Variants in ZFP1 observed in about 807,000 individuals in gnomAD.
ZFP1 encodes the protein ZFP1 zinc finger protein.
ZFP1 carries 32 observed loss-of-function variants against 38.5 expected under a neutral mutation model. That is an observed-to-expected ratio of 0.83 (90% confidence interval 0.63 to 1.12). ZFP1 has a LOEUF of 1.12. ZFP1 is among the 50% of genes most tolerant of loss of function. ZFP1 has a pLI of 0.00. For missense variants in ZFP1, 616 were observed against 480.8 expected, an observed-to-expected ratio of 1.28 and a Z score of -2.63; for synonymous variants, 245 against 168.8, an observed-to-expected ratio of 1.45 and a Z score of -3.50.
At chr16:75,125,252 C>G in the ZFP1 span, among the ~76,000 whole-genome samples, 1 of 134,440 alleles carries the variant, frequency 7.4e-6, no homozygotes, top group Admixed American at 6.9e-5. Context: ...GAGCAAGACT[C>G]TATCTCGAAA....
chr16:75,153,333 G>A lies in ZFP1; in HGVS notation c.15+367G>A, dbSNP rs547355806. ...TTATTGTATGTATTTGGTTTTTCCA[G>A]TCAGATTAGCCTAATGCCAGAGAAT... On this transcript the variant is annotated intron_variant, in intron 2 of 3. Transcript: ENST00000570010. Among the ~76,000 whole-genome samples the A allele has an allele frequency of 1.8e-3, 272 of 152,250 alleles. 1 individual carries two copies. Among genetic ancestry groups the A allele is most frequent in the Non-Finnish European group, 3.1e-3 (213 of 68,024 alleles).
chr16:75,151,257 A>G (rs2037191178), intron 1 of ZFP1, among the ~76,000 whole-genome samples: 2 of 151,962 alleles, frequency 1.3e-5, no homozygotes, highest in Admixed American at 1.3e-4. Flanking sequence ...TATATTTTAA[A>G]CAAACTGCTT....
chr16:75,133,310 C>A, the ZFP1 span, among the ~76,000 whole-genome samples: 2 of 152,026 alleles, frequency 1.3e-5, no homozygotes, highest in African/African-American at 4.8e-5. Context: ...GGTACATGCG[C>A]AGATTTGTTA....
the ZFP1 span, among the ~76,000 whole-genome samples, chr16:75,125,417 G>T: frequency 6.6e-6 from 1 of 152,108 alleles, no homozygotes; most frequent in Non-Finnish European, 1.5e-5. Flanking sequence ...CACCTCCTAG[G>T]TTCAAGAGAT....
chr16:75,166,085 G>A (rs1290410734), intron 2 of ZFP1, among the ~76,000 whole-genome samples: 1 of 152,142 alleles, frequency 6.6e-6, no homozygotes, highest in Non-Finnish European at 1.5e-5. Flanking sequence ...GTATTTTACA[G>A]TTGGAAGTTC....
chr16:75,138,634 C>T, the ZFP1 span, among the ~76,000 whole-genome samples: 66 of 152,246 alleles, frequency 4.3e-4, no homozygotes, highest in African/African-American at 1.5e-3. Context: ...GCCCTTAATC[C>T]AATATGGCTA....
intron 3 of ZFP1, among the ~76,000 whole-genome samples, chr16:75,167,228 G>A (rs1024750530): frequency 6.6e-6 from 1 of 152,216 alleles, no homozygotes; most frequent in Non-Finnish European, 1.5e-5. Flanking sequence ...GGGAGAAGCA[G>A]AAGCCAGTGG....
intron 2 of ZFP1, among the ~76,000 whole-genome samples, chr16:75,162,449 C>T (rs2037835949): frequency 6.6e-6 from 1 of 152,164 alleles, no homozygotes; most frequent in Admixed American, 6.5e-5. Flanking sequence ...AATTATCCGC[C>T]TATTTTGCTG....
chr16:75,126,850 G>C, the ZFP1 span, among the ~76,000 whole-genome samples: 16 of 152,066 alleles, frequency 1.1e-4, no homozygotes, highest in Non-Finnish European at 1.6e-4. Context: ...GTTATTAATA[G>C]GTTCTCTAAA....
At chr16:75,133,415 C>T in the ZFP1 span, among the ~76,000 whole-genome samples, 1 of 152,140 alleles carries the variant, frequency 6.6e-6, no homozygotes, top group South Asian at 2.1e-4. Context: ...TTCTGCTCCT[C>T]TCCTCCCACC....
chr16:75,138,699 A>G, the ZFP1 span, among the ~76,000 whole-genome samples: 10 of 152,250 alleles, frequency 6.6e-5, no homozygotes, highest in Admixed American at 1.3e-4. Context: ...AGAACGCTAC[A>G]TGAGGGAAGT....
intron 2 of ZFP1, among the ~76,000 whole-genome samples, chr16:75,155,856 T>G (rs932339241): frequency 1.3e-5 from 2 of 152,226 alleles, no homozygotes; most frequent in African/African-American, 4.8e-5. Context: ...AGTCTTAATA[T>G]AAAATTTAGT....
the ZFP1 span, chr16:75,126,408 A>G: frequency 6.6e-6 from 1 of 150,952 alleles, no homozygotes; most frequent in Admixed American, 6.6e-5. Context: ...TCAGCCTTGC[A>G]AAGTCCACCC....
chr16:75,158,905 CTTTT>C (rs71158583), intron 2 of ZFP1, among the ~76,000 whole-genome samples: 1 of 125,148 alleles, frequency 8.0e-6, no homozygotes, highest in African/African-American at 2.9e-5. Flanking sequence ...TTTGTCTTGT[CTTTT>C]TTTTTTTTTT....
In ZFP1 at chr16:75,171,644, A is replaced by G. The variant is rs1418328148; in HGVS notation, c.*1310A>G. On this transcript the variant is annotated 3_prime_UTR_variant, in exon 4 of 4. Coordinates refer to ENST00000570010, the MANE Select transcript of ZFP1 (RefSeq NM_153688.4). ...TCTTAAGTTCAGCCTTTCCCTATCA[A>G]TCACAAATCATGTATTGGAAATTAT... The G allele has an allele frequency of 6.6e-6, 1 of 152,238 alleles. No homozygotes were observed. Among genetic ancestry groups the G allele is most frequent in the African/African-American group, 2.4e-5 (1 of 41,474 alleles). The allele number at this position is 152,238 out of a possible 1,614,324, so 9.4% of individuals were successfully genotyped here.
At chr16:75,152,174 T>G (rs538623506) in intron 1 of ZFP1, among the ~76,000 whole-genome samples, 1 of 152,320 alleles carries the variant, frequency 6.6e-6, no homozygotes, top group African/African-American at 2.4e-5. Context: ...GATGTGTCCA[T>G]GTGTGTTTTT....
chr16:75,149,816 T>C (rs2145490435), intron 1 of ZFP1, among the ~76,000 whole-genome samples: 1 of 152,258 alleles, frequency 6.6e-6, no homozygotes, highest in Non-Finnish European at 1.5e-5. Context: ...TCTGTTGTTG[T>C]TGTTTTTGAG....
intron 2 of ZFP1, among the ~76,000 whole-genome samples, chr16:75,165,932 A>G (rs1013016237): frequency 6.6e-6 from 1 of 151,994 alleles, no homozygotes; most frequent in Admixed American, 6.6e-5. Context: ...TTCAGTTTAG[A>G]TATTTACTGA....
intron 1 of ZFP1, among the ~76,000 whole-genome samples, chr16:75,149,557 CTTTTTTTTTT>C (rs34371791): frequency 1.6e-4 from 16 of 101,792 alleles, no homozygotes; most frequent in African/African-American, 5.0e-4. Flanking sequence ...TCTTTACTTT[CTTTTTTTTTT>C]TTTTTTTTTT....
Sources: allele counts gnomAD v4.1 joint callset (sites outside exome capture counted in the v4.1 genomes callset), GRCh38; gene constraint gnomAD v4.1.1; transcripts MANE v1.5; gene names NCBI Gene and HGNC (gene_info 2026-07-23, HGNC 2026-07-21).